Variants in PITPNC1 observed in about 807,000 individuals in gnomAD.
The protein encoded by PITPNC1 is phosphatidylinositol transfer protein cytoplasmic 1, also known as cytoplasmic phosphatidylinositol transfer protein 1.
Under a neutral mutation model 44.7 loss-of-function variants are expected in PITPNC1, and 18 were observed. The ratio of observed to expected loss-of-function variants is 0.40; its 90% CI spans 0.28 to 0.60. The LOEUF (loss-of-function observed/expected upper bound fraction) is 0.60, where lower values mean the gene tolerates loss of function less well. PITPNC1 is among the 20% of genes least tolerant of loss of function. The pLI is 0.39. For synonymous variants in PITPNC1, 141 were observed against 149.6 expected, an observed-to-expected ratio of 0.94 and a Z score of 0.42; for missense variants, 290 against 418.4, an observed-to-expected ratio of 0.69 and a Z score of 2.68.
intron 1 of PITPNC1, among the ~76,000 whole-genome samples, chr17:67,396,653 A>G (rs1363777524): frequency 6.6e-6 from 1 of 151,248 alleles, no homozygotes; most frequent in Non-Finnish European, 1.5e-5. Context: ...TACAGGCGTG[A>G]GCCACCACAC....
chr17:67,556,649 A>G (rs1796137389), intron 4 of PITPNC1, among the ~76,000 whole-genome samples: 1 of 152,144 alleles, frequency 6.6e-6, no homozygotes, highest in African/African-American at 2.4e-5. Context: ...CAGACCAGAG[A>G]TTCAGCCATC....
rs1240257858 is a variant in PITPNC1 at position 67,692,797 on chromosome 17, C to T, written c.908C>T (p.Thr303Ile). Residue 303 changes from threonine to isoleucine, a missense_variant, in exon 9 of 9, where the codon ACT becomes ATT. Physicochemically the swap from Thr to Ile is moderately conservative, Grantham distance 89. Transcript: ENST00000581322. ...CCCCGGAAAAAGTCTGCCCCAGAAACTCTCACACTTCCAGACCCTGAGAAA... is the reference window on the plus strand; with the variant it reads ...CCCCGGAAAAAGTCTGCCCCAGAAATTCTCACACTTCCAGACCCTGAGAAA... The part of the protein sequence containing the change: ...DRPRKKSAPE[T>I]LTLPDPEKKA... 6.2e-7 allele frequency: 1 copy of T among 1,613,782 alleles called. No individual in the cohort carries two copies.
At chr17:67,502,014 T>C (rs530608450) in intron 1 of PITPNC1, among the ~76,000 whole-genome samples, 2 of 152,372 alleles carry the variant, frequency 1.3e-5, no homozygotes, top group East Asian at 3.9e-4. Flanking sequence ...TGAGCTATTG[T>C]GCAGAAAGTC....
chr17:67,600,743 A>G (rs778369773), intron 5 of PITPNC1, among the ~76,000 whole-genome samples: 2 of 151,548 alleles, frequency 1.3e-5, no homozygotes, highest in Non-Finnish European at 2.9e-5. Flanking sequence ...GCAGAAAAAT[A>G]TTAGGTTGGT....
chr17:67,400,996 G>A lies in PITPNC1; in HGVS notation c.48+22794G>A, dbSNP rs183820309. ...GGCTGGGGTGCGGTGGTGCCAACTC[G>A]GCTCACTGCATCACTGCAACCTCCA... On this transcript the variant is annotated intron_variant, in intron 1 of 8. Transcript: ENST00000581322. 1.0e-3 allele frequency among the ~76,000 whole-genome samples: 152 copies of A among 151,644 alleles called. 1 individual carries two copies. Among genetic ancestry groups the A allele is most frequent in the Admixed American group, 7.6e-3 (116 of 15,208 alleles).
Position 67,540,273 on chromosome 17 carries a change from T to G in PITPNC1, c.197+7323T>G, listed in dbSNP as rs570943292. The stretch of plus-strand genomic sequence containing the variant: ...CACATGCTCCCACGCCTGGCTAATT[T>G]GTGTATGTTTTAGTAGAGACGGTGT... On this transcript the variant is annotated intron_variant, in intron 2 of 8. Coordinates refer to ENST00000581322, the MANE Select transcript of PITPNC1 (RefSeq NM_012417.4). Among the ~76,000 whole-genome samples the G allele has an allele frequency of 2.6e-5, 4 of 152,096 alleles. No homozygotes were observed. In the South Asian group the frequency reaches 8.3e-4, roughly 32 times the overall value.
At chr17:67,517,981 T>A (rs2040279372) in intron 1 of PITPNC1, among the ~76,000 whole-genome samples, 1 of 152,176 alleles carries the variant, frequency 6.6e-6, no homozygotes, top group South Asian at 2.1e-4. Context: ...TAAAATAGAA[T>A]AAAAAGTGAC....
intron 1 of PITPNC1, among the ~76,000 whole-genome samples, chr17:67,471,739 T>C (rs978648711): frequency 1.3e-5 from 2 of 151,832 alleles, no homozygotes; most frequent in Admixed American, 6.6e-5. Context: ...AATGTTAATA[T>C]CGTACTAATT....
At chr17:67,394,876 CAG>C (rs911343799) in intron 1 of PITPNC1, among the ~76,000 whole-genome samples, 43 of 150,972 alleles carry the variant, frequency 2.8e-4, no homozygotes, top group African/African-American at 9.5e-4. Flanking sequence ...GCCTGGGCAA[CAG>C]AGTGAGACCC....
At chr17:67,476,123 A>G (rs1378199763) in intron 1 of PITPNC1, among the ~76,000 whole-genome samples, 2 of 152,090 alleles carry the variant, frequency 1.3e-5, no homozygotes, top group Admixed American at 6.6e-5. Context: ...CAATCCATTT[A>G]TACCAACACA....
intron 1 of PITPNC1, among the ~76,000 whole-genome samples, chr17:67,382,347 GT>G (rs2037974858): frequency 1.3e-5 from 2 of 151,350 alleles, no homozygotes; most frequent in African/African-American, 4.9e-5. Context: ...TGGTGTGTGT[GT>G]GTGTGTGTGT....
chr17:67,487,701 T>C (rs893528309), intron 1 of PITPNC1, among the ~76,000 whole-genome samples: 2 of 152,138 alleles, frequency 1.3e-5, no homozygotes, highest in Admixed American at 6.5e-5. Context: ...TTGGGCTTCA[T>C]GGTGAATCAT....
intron 5 of PITPNC1, among the ~76,000 whole-genome samples, chr17:67,626,821 A>G (rs74830406): frequency 8.2e-6 from 1 of 121,896 alleles, no homozygotes; most frequent in African/African-American, 5.4e-5. Flanking sequence ...AGACTCATGA[A>G]AAAAAAAAAA....
chr17:67,654,551 A>G (rs1442566027), intron 6 of PITPNC1, among the ~76,000 whole-genome samples: 1 of 152,220 alleles, frequency 6.6e-6, no homozygotes, highest in Non-Finnish European at 1.5e-5. Context: ...TCTCCTGTGC[A>G]TCACGCACCT....
intron 1 of PITPNC1, among the ~76,000 whole-genome samples, chr17:67,411,007 G>A (rs2038487794): frequency 6.6e-6 from 1 of 151,572 alleles, no homozygotes; most frequent in African/African-American, 2.4e-5. Context: ...ACTTGAACTC[G>A]GGAGGCGGAG....
At chr17:67,547,559 G>GT (rs1489898564) in intron 2 of PITPNC1, among the ~76,000 whole-genome samples, 1 of 152,096 alleles carries the variant, frequency 6.6e-6, no homozygotes, top group East Asian at 1.9e-4. Context: ...TAAGACCACC[G>GT]TAATTCTGAC....
intron 8 of PITPNC1, 112 bp from the exon 9 acceptor site, chr17:67,692,460 G>T (rs1317091985): frequency 1.4e-6 from 1 of 738,066 alleles, no homozygotes. Context: ...ATCGGGAGAG[G>T]CCCCTTTATG....
intron 5 of PITPNC1, among the ~76,000 whole-genome samples, chr17:67,583,896 T>C (rs1306983371): frequency 9.3e-6 from 1 of 107,446 alleles, no homozygotes; most frequent in Admixed American, 9.2e-5. Flanking sequence ...TGTGTGTGTG[T>C]TTGTGTGTGT....
intron 5 of PITPNC1, among the ~76,000 whole-genome samples, chr17:67,587,674 T>C (rs757988248): frequency 1.3e-5 from 2 of 152,212 alleles, no homozygotes; most frequent in Admixed American, 6.5e-5. Context: ...CAGCTTCTCG[T>C]TGTTATCTTT....
Sources: gnomAD v4.1 joint callset for allele counts (sites outside exome capture counted in the v4.1 genomes callset) on GRCh38, gnomAD v4.1.1 for gene constraint, MANE v1.5 for transcripts, NCBI Gene and HGNC (gene_info 2026-07-23, HGNC 2026-07-21) for gene names.